The following CAMKK2 variants were observed in gnomAD, a reference collection of about 807,000 sequenced individuals.
CAMKK2 encodes the protein calcium/calmodulin dependent protein kinase kinase 2.
Under a neutral mutation model 67.2 loss-of-function variants are expected in CAMKK2, and 30 were observed. The observed-to-expected ratio is 0.45, with a 90% CI of 0.33 to 0.61. CAMKK2 has a LOEUF of 0.61. CAMKK2 is among the 20% of genes least tolerant of loss of function. The pLI is 0.02. For synonymous variants in CAMKK2, 322 were observed against 326.2 expected (o/e 0.99, Z 0.14); for missense variants, 643 against 802.0 (o/e 0.80, Z 2.39).
rs186493701 is a variant in CAMKK2 at position 121,281,194 on chromosome 12, G to T, written c.-59-6609C>A. On this transcript the variant is annotated intron_variant, in intron 1 of 16. Transcript: ENST00000404169. ...AGAACCTATGTGATTATCGGGGCAGGTCCCCCGCTAGACGCGGGCCTCCAG... is the reference window on the plus strand; with the variant it reads ...AGAACCTATGTGATTATCGGGGCAGTTCCCCCGCTAGACGCGGGCCTCCAG... 1.9e-3 allele frequency among the ~76,000 whole-genome samples: 291 copies of T among 152,336 alleles called. 1 individual carries two copies. The highest frequency in any genetic ancestry group is 6.4e-3 in the African/African-American group (264 of 41,568).
chr12:121,260,339 T>C lies in CAMKK2; in HGVS notation c.776A>G (p.Asn259Ser), dbSNP rs1367292658. The C allele has an allele frequency of 5.6e-6, 9 of 1,611,380 alleles. No homozygotes were observed. Among genetic ancestry groups the C allele is most frequent in the African/African-American group, 2.7e-5 (2 of 74,834 alleles). ...VKLVEVLDDP[N>S]EDHLYMVFEL... is the part of the protein sequence containing the mutation. ...CTTACCCATGTACAGATGGTCCTCATTGGGGTCATCCAGGACCTTGGCACA... is the reference window on the plus strand; with the variant it reads ...CTTACCCATGTACAGATGGTCCTCACTGGGGTCATCCAGGACCTTGGCACA... The change falls in exon 7 of 17, where the codon AAT (asparagine) becomes AGT (serine). Residue 259 changes from asparagine (N) to serine (S), a missense_variant. Asn to Ser is a conservative substitution (Grantham distance 46, BLOSUM62 1). Around this residue, in one of 3 missense-constraint regions of CAMKK2, gnomAD observed 483 missense variants for 625.8 expected, o/e 0.77. Coordinates refer to ENST00000404169, the MANE Select transcript of CAMKK2 (RefSeq NM_001270485.2).
intron 7 of CAMKK2, among the ~76,000 whole-genome samples, chr12:121,256,868 G>A (rs1019321056): frequency 1.3e-5 from 2 of 152,262 alleles, no homozygotes; most frequent in South Asian, 2.1e-4. Flanking sequence ...ATGAACGTTC[G>A]TGTACATGGA....
At chr12:121,283,424 C>CA (rs1425248985) in intron 1 of CAMKK2, among the ~76,000 whole-genome samples, 1 of 152,192 alleles carries the variant, frequency 6.6e-6, no homozygotes, top group Non-Finnish European at 1.5e-5. Flanking sequence ...TCTCAGGCCT[C>CA]AGAGACCCCA....
At chr12:121,264,023 T>C in intron 5 of CAMKK2, 84 bp from the exon 6 acceptor site, 1 of 1,362,518 alleles carries the variant, frequency 7.3e-7, no homozygotes, top group Non-Finnish European at 9.7e-7. Flanking sequence ...TGCCAAAAGG[T>C]GGGATGCCAA....
At chr12:121,262,936 T>G (rs1893758434) in intron 6 of CAMKK2, among the ~76,000 whole-genome samples, 1 of 152,120 alleles carries the variant, frequency 6.6e-6, no homozygotes, top group African/African-American at 2.4e-5. Context: ...TAAATATAAC[T>G]CATATAAGTG....
intron 7 of CAMKK2, 93 bp downstream of exon 7, chr12:121,260,226 A>C: frequency 9.5e-7 from 1 of 1,049,230 alleles, no homozygotes; most frequent in Non-Finnish European, 1.4e-6. Flanking sequence ...CTTTGGTGGA[A>C]GGTGCCAGGG....
chr12:121,291,244 T>C (rs1290801940), intron 1 of CAMKK2, among the ~76,000 whole-genome samples: 1 of 152,198 alleles, frequency 6.6e-6, no homozygotes, highest in Non-Finnish European at 1.5e-5. Context: ...CTTTCTTCCA[T>C]CACCTGCTCC....
chr12:121,275,231 C>T (rs1216998494), intron 1 of CAMKK2, among the ~76,000 whole-genome samples: 1 of 152,098 alleles, frequency 6.6e-6, no homozygotes, highest in Non-Finnish European at 1.5e-5. Context: ...CACCTGTAAT[C>T]CTAGCATTTT....
rs201753522 is a variant in CAMKK2, at chr12:121,274,096, G to A, written c.431C>T (p.Pro144Leu). The change falls in exon 2 of 17, where the codon CCG becomes CTG. Residue 144 changes from proline to leucine, a missense_variant. Pro to Leu is a moderately conservative substitution (Grantham distance 98). Coordinates refer to ENST00000404169, the MANE Select transcript of CAMKK2 (RefSeq NM_001270485.2). ...GGAGACGTGGTGAGACTCCACTGTC[G>A]GCCGCCGGGGCAGCCGAGGCGAGGA... ...PQSSPRLPRR[P>L]TVESHHVSIT... is the part of the protein sequence containing the mutation. 3.7e-5 allele frequency: 57 copies of A among 1,530,184 alleles called. No homozygotes were observed. Among genetic ancestry groups the A allele is most frequent in the African/African-American group, 5.5e-5 (4 of 72,726 alleles). 94.8% of individuals were successfully genotyped at this position (1,530,184 alleles called of 1,614,324 possible).
intron 6 of CAMKK2, among the ~76,000 whole-genome samples, chr12:121,263,119 G>A (rs1006936109): frequency 4.6e-5 from 7 of 152,022 alleles, no homozygotes; most frequent in Non-Finnish European, 8.8e-5. Flanking sequence ...ACAGGCACCC[G>A]CCACCACGCC....
At chr12:121,291,752 T>C (rs1900066396) in intron 1 of CAMKK2, among the ~76,000 whole-genome samples, 1 of 151,690 alleles carries the variant, frequency 6.6e-6, no homozygotes, top group Non-Finnish European at 1.5e-5. Context: ...CACTGAATTG[T>C]TCACTTTAAA....
chr12:121,240,894 A>T lies in CAMKK2; in HGVS notation c.1597-25T>A. 6.2e-7 allele frequency: 1 copy of T among 1,610,434 alleles called. No homozygotes were observed. The highest frequency in any genetic ancestry group is 8.5e-7 in the Non-Finnish European group (1 of 1,179,330). ...CCTGCTCACCGAACAGAAAACCAAC[A>T]TTAAGACTCTGAGAAATGCCAGCGA... On this transcript the variant is annotated intron_variant, in intron 16 of 16. Transcript: ENST00000404169. This position sits in a 1 kb window ranked among gnomAD's most constrained non-coding sequence, Gnocchi z 4.4.
chr12:121,256,071 C>G (rs919697969), intron 7 of CAMKK2, among the ~76,000 whole-genome samples: 1 of 152,178 alleles, frequency 6.6e-6, no homozygotes, highest in Non-Finnish European at 1.5e-5. Flanking sequence ...CCAGGATCCA[C>G]TGGTCAAAGA....
chr12:121,292,973 GAAA>G (rs374293482), intron 1 of CAMKK2, among the ~76,000 whole-genome samples: 1 of 119,510 alleles, frequency 8.4e-6, no homozygotes, highest in African/African-American at 3.1e-5. Context: ...CATCTCAAAA[GAAA>G]AAAAAAAAGA....
rs200285116 is a variant in CAMKK2 at position 121,255,649 on chromosome 12, G to A, written c.819-11C>T. The A allele has an allele frequency of 1.2e-5, 19 of 1,611,758 alleles. No homozygotes were observed. In the East Asian group the frequency reaches 1.3e-4, roughly 11 times the overall value. On this transcript the variant is annotated splice_polypyrimidine_tract_variant and intron_variant, in intron 8 of 16. Transcript: ENST00000404169. ...ACTTCCATCACGGGCCTGAAAGGTC[G>A]ACACTCATGTGAAACACAAAGCAGA...
In CAMKK2 at chr12:121,263,872, C is replaced by G. The variant is rs1893976418; in HGVS notation, c.693G>C (p.Glu231Asp). The change falls in exon 6 of 17, where the codon GAG (glutamate) becomes GAC (aspartate). Residue 231 changes from glutamate to aspartate, a missense_variant. Glu to Asp is a conservative substitution (Grantham distance 45, BLOSUM62 2). Coordinates refer to ENST00000404169, the MANE Select transcript of CAMKK2 (RefSeq NM_001270485.2). ...GGCIQPRGPIEQVYQEIAILK... is the reference protein window; with the variant it reads ...GGCIQPRGPIDQVYQEIAILK... ...GGATGGCAATTTCCTGGTACACCTG[C>G]TCAATGGGGCCCCTGGGCTGGATGC... 1.9e-6 allele frequency: 3 copies of G among 1,611,150 alleles called. No individual in the cohort carries two copies. The highest frequency in any genetic ancestry group is 1.7e-5 in the Admixed American group (1 of 59,922).
chr12:121,260,524 A>G, intron 6 of CAMKK2, 169 bp from the exon 7 acceptor site: 2 of 650,946 alleles, frequency 3.1e-6, no homozygotes, highest in South Asian at 1.7e-5. Context: ...AAACCCCCAG[A>G]GTGTGAGATC....
intron 7 of CAMKK2, among the ~76,000 whole-genome samples, chr12:121,257,293 C>T (rs928129998): frequency 1.3e-5 from 2 of 150,400 alleles, no homozygotes; most frequent in African/African-American, 4.9e-5. Context: ...GTTGCCCAGG[C>T]TGGAGTGCAG....
intron 5 of CAMKK2, 90 bp from the exon 6 acceptor site, chr12:121,264,029 G>A (rs976589155): frequency 1.6e-6 from 2 of 1,289,378 alleles, no homozygotes; most frequent in East Asian, 2.7e-5. Context: ...AAGGTGGGAT[G>A]CCAAAAAGCC....
Sources: gnomAD v4.1 joint callset for allele counts (sites outside exome capture counted in the v4.1 genomes callset) on GRCh38, gnomAD v4.1.1 for gene constraint, gnomAD v4.1.1 regional missense constraint, Gnocchi (gnomAD v3.1) non-coding constraint, MANE v1.5 for transcripts, NCBI Gene and HGNC (gene_info 2026-07-23, HGNC 2026-07-21) for gene names.